DLL1: variants seen among roughly 807,000 people sequenced by gnomAD.
The protein encoded by DLL1 is delta-like protein 1.
Under a neutral mutation model 75.1 loss-of-function variants are expected in DLL1, and 9 were observed. The observed-to-expected ratio is 0.12, with a 90% CI of 0.07 to 0.21. The LOEUF (loss-of-function observed/expected upper bound fraction) is 0.21, where lower values mean the gene tolerates loss of function less well. Among genes scored for constraint, DLL1 ranks in the 10% least tolerant of loss-of-function variants. DLL1 has a pLI of 1.00. For missense variants in DLL1, 837 were observed against 1,007.6 expected, an observed-to-expected ratio of 0.83 and a Z score of 2.29; for synonymous variants, 477 against 418.3, an observed-to-expected ratio of 1.14 and a Z score of -1.71.
intron 8 of DLL1, 103 bp downstream of exon 8, chr6:170,284,816 G>T: frequency 8.3e-7 from 1 of 1,202,608 alleles, no homozygotes; most frequent in African/African-American, 1.5e-5. Flanking sequence ...CTGGATAAAA[G>T]TGATTCATAA....
intron 5 of DLL1, 131 bp downstream of exon 5, chr6:170,286,107 C>A: frequency 9.0e-7 from 1 of 1,105,218 alleles, no homozygotes. Context: ...CATGAGAAAA[C>A]GGCCCCCTGT....
intron 3 of DLL1, 31 bp from the exon 4 acceptor site, chr6:170,288,527 T>C: frequency 6.2e-7 from 1 of 1,614,114 alleles, no homozygotes; most frequent in African/African-American, 1.3e-5. Context: ...TGGTTGGTTC[T>C]GAACGAGAAC....
intron 4 of DLL1, among the ~76,000 whole-genome samples, chr6:170,287,231 A>G (rs1239783122): frequency 6.6e-6 from 1 of 152,170 alleles, no homozygotes; most frequent in African/African-American, 2.4e-5. Flanking sequence ...ACATCAAGGC[A>G]CTCAGTGAAT....
At position 170,283,173 on chromosome 6, in the gene DLL1, G is replaced by T; in HGVS notation, c.2048+58C>A. ...CATTTGGGAAGAGAAACGGAGCAGT[G>T]GTTCCAGGAAGACACCCCCCAGGTA... On this transcript the variant is annotated intron_variant, in intron 9 of 10. Coordinates refer to ENST00000366756, the MANE Select transcript of DLL1 (RefSeq NM_005618.4). The T allele has an allele frequency of 1.9e-6, 3 of 1,613,418 alleles. No homozygotes were observed. The South Asian group carries it at 3.3e-5, about 18-fold the overall frequency.
At chr6:170,287,616 G>A (rs929644073) in intron 4 of DLL1, among the ~76,000 whole-genome samples, 2 of 152,234 alleles carry the variant, frequency 1.3e-5, no homozygotes, top group Admixed American at 1.3e-4. Context: ...TGCTTCTCCA[G>A]ACAAGGTGCT....
In DLL1 at chr6:170,288,168, G is replaced by A. The variant is rs1310495556; in HGVS notation, c.670+71C>T. ...ACAGTCCCAAGCCCCCCGTGGCTCA[G>A]GAAGCCCCGTCCCTGCGCGCGGTCC... is the stretch of plus-strand genomic sequence containing the variant. On this transcript the variant is annotated intron_variant, in intron 4 of 10. Transcript: ENST00000366756. 12 of 1,609,458 alleles carry A rather than the reference G, an allele frequency of 7.5e-6. No homozygotes were observed. In the East Asian group the frequency reaches 1.1e-4, roughly 15 times the overall value.
In DLL1 at chr6:170,283,397, C is replaced by T. The variant is rs780986791; in HGVS notation, c.1882G>A (p.Asp628Asn). ...TAGCGGGCCTTGAAGCCATTCTTGT[C>T]GGCGCTGTGGTCCCCGTGGAAGTCC... ...KADFHGDHSA[D>N]KNGFKARYPA... The change falls in exon 9 of 11, where the codon GAC (aspartate) becomes AAC (asparagine). Residue 628 changes from aspartate to asparagine, a missense_variant. Asp to Asn is a conservative substitution (Grantham distance 23). This residue lies in a region of DLL1 where 533 missense variants were observed against 545.7 expected (regional missense o/e 0.98). Coordinates refer to ENST00000366756, the MANE Select transcript of DLL1 (RefSeq NM_005618.4). The T allele has an allele frequency of 6.8e-6, 11 of 1,610,318 alleles. No homozygotes were observed. In the East Asian group the frequency reaches 8.9e-5, roughly 13 times the overall value.
In DLL1 at chr6:170,289,553, A is replaced by C; in HGVS notation, c.310T>G (p.Phe104Val). 6.5e-7 allele frequency: 1 copy of C among 1,535,092 alleles called. No homozygotes were observed. The change falls in exon 2 of 11, where the codon TTC (phenylalanine) becomes GTC (valine). Residue 104 changes from phenylalanine to valine, a missense_variant. Transcript: ENST00000366756. The part of the protein sequence containing the change: ...LPDGGGADSA[F>V]SNPIRFPFGF... Reference sequence around the variant, plus strand: ...AAGGGGAAGCGGATGGGGTTGCTGAACGCGGAGTCGGCGCCCCCGCCGTCG... The same window carrying C: ...AAGGGGAAGCGGATGGGGTTGCTGACCGCGGAGTCGGCGCCCCCGCCGTCG...
Position 170,290,901 on chromosome 6 carries a change from G to A in DLL1, c.-762C>T. On this transcript the variant is annotated 5_prime_UTR_variant, in exon 1 of 11. Coordinates refer to ENST00000366756, the MANE Select transcript of DLL1 (RefSeq NM_005618.4). The surrounding 1 kb of genome is among the most constrained non-coding windows in gnomAD (Gnocchi z 4.7). The stretch of plus-strand genomic sequence containing the variant: ...CTGCGCTCTGCCCTCGGCCGGGTCG[G>A]GTCTCCGCGGGTGCGCGCAGAGGAT... The A allele has an allele frequency of 1.4e-6, 1 of 694,126 alleles. No individual in the cohort carries two copies. Among genetic ancestry groups the A allele is most frequent in the South Asian group, 1.5e-5 (1 of 67,048 alleles). 43.0% of individuals were successfully genotyped at this position (694,126 alleles called of 1,614,324 possible).
chr6:170,285,084 T>C lies in DLL1; in HGVS notation c.1084A>G (p.Ile362Val), dbSNP rs1447145814. 1 of 1,614,046 alleles carries C rather than the reference T, an allele frequency of 6.2e-7. No individual in the cohort carries two copies. Among genetic ancestry groups the C allele is most frequent in the South Asian group, 1.1e-5 (1 of 91,074 alleles). ...CAGGTCATGGCACTCAATTCACAGA[T>C]TTTGCCGTAGAAGCCGGGTGGGCAG... is the stretch of plus-strand genomic sequence containing the variant. The part of the protein sequence containing the change: ...CTCPPGFYGK[I>V]CELSAMTCAD... The change falls in exon 8 of 11, where the codon ATC becomes GTC. Residue 362 changes from isoleucine to valine, a missense_variant. Around this residue, in one of 2 missense-constraint regions of DLL1, gnomAD observed 533 missense variants for 545.7 expected, o/e 0.98. Transcript: ENST00000366756.
At position 170,282,991 on chromosome 6, in the gene DLL1, A is replaced by G. The variant is rs969375542; in HGVS notation, c.2163T>C (p.Thr721=). ...AGCGGCTGCTGCCTGCACTGACCTC[A>G]GTTGCTATGACGCACTCATCCTTCT... ...SEEKDECVIA[T]EV Residue 721 remains threonine (T), a synonymous_variant, in exon 10 of 11, where the codon ACT becomes ACC. Coordinates refer to ENST00000366756, the MANE Select transcript of DLL1 (RefSeq NM_005618.4). 17 of 1,614,032 alleles carry G rather than the reference A, an allele frequency of 1.1e-5. No homozygotes were observed. Among genetic ancestry groups the G allele is most frequent in the Non-Finnish European group, 1.4e-5 (16 of 1,180,024 alleles).
chr6:170,289,270 G>T, intron 2 of DLL1: 1 of 663,712 alleles, frequency 1.5e-6, no homozygotes, highest in Non-Finnish European at 2.7e-6. Flanking sequence ...TCTCCCGGGC[G>T]CGCTCGGCCT....
At chr6:170,289,136 T>C (rs1165193279) in intron 2 of DLL1, 9 of 590,366 alleles carry the variant, frequency 1.5e-5, no homozygotes, top group Non-Finnish European at 2.4e-5. Flanking sequence ...ACGCTCCGGG[T>C]GGTAGCGGTC....
At position 170,283,534 on chromosome 6, in the gene DLL1, G is replaced by A; in HGVS notation, c.1745C>T (p.Pro582Leu). ...RLQKHRPPAD[P>L]CRGETETMNN... ...CATGGTCTCCGTCTCCCCCCGGCAGGGGTCGGCTGGGGGCCGGTGCTTCTG... is the reference window on the plus strand; with the variant it reads ...CATGGTCTCCGTCTCCCCCCGGCAGAGGTCGGCTGGGGGCCGGTGCTTCTG... Residue 582 changes from proline (P) to leucine (L), a missense_variant, in exon 9 of 11, where the codon CCC becomes CTC. Pro to Leu is a moderately conservative substitution (Grantham distance 98). Coordinates refer to ENST00000366756, the MANE Select transcript of DLL1 (RefSeq NM_005618.4). The A allele has an allele frequency of 1.2e-6, 2 of 1,613,748 alleles. No homozygotes were observed. Among genetic ancestry groups the A allele is most frequent in the Non-Finnish European group, 1.7e-6 (2 of 1,180,022 alleles).
chr6:170,289,873 G>A (rs991963228), intron 1 of DLL1, 65 bp from the exon 2 acceptor site: 30 of 1,493,590 alleles, frequency 2.0e-5, no homozygotes, highest in Non-Finnish European at 2.6e-5. Context: ...CGTGAGGCCT[G>A]GGTGGGGGGT....
chr6:170,289,563 G>A lies in DLL1; in HGVS notation c.300C>T (p.Ala100=). The change falls in exon 2 of 11, where the codon GCC becomes GCT. Residue 100 remains alanine (A), a synonymous_variant. Coordinates refer to ENST00000366756, the MANE Select transcript of DLL1 (RefSeq NM_005618.4). ...DSFSLPDGGG[A]DSAFSNPIRF... The stretch of plus-strand genomic sequence containing the variant: ...GGATGGGGTTGCTGAACGCGGAGTC[G>A]GCGCCCCCGCCGTCGGGCAGACTGA... 1.3e-6 allele frequency: 2 copies of A among 1,535,228 alleles called. No individual in the cohort carries two copies. The highest frequency in any genetic ancestry group is 1.7e-6 in the Non-Finnish European group (2 of 1,146,454).
In DLL1 at chr6:170,286,856, C is replaced by T. The variant is rs955116037; in HGVS notation, c.671-558G>A. 5.9e-5 allele frequency among the ~76,000 whole-genome samples: 9 copies of T among 152,260 alleles called. No homozygotes were observed. The East Asian group carries it at 1.2e-3, about 20-fold the overall frequency. ...ACGCACCCCTTCCGCCAATGGGAGCCGGCGGGTGTCCCTGCGCCTATCCCC... is the reference window on the plus strand; with the variant it reads ...ACGCACCCCTTCCGCCAATGGGAGCTGGCGGGTGTCCCTGCGCCTATCCCC... On this transcript the variant is annotated intron_variant, in intron 4 of 10. Transcript: ENST00000366756.
rs1783853146 is a variant in DLL1, at chr6:170,290,974, C to T, written c.-835G>A. ...GCCCTTATATTCAGCCGGCCGCCCG[C>T]ATGGCTAATGAGATGCAAATCAGCA... On this transcript the variant is annotated 5_prime_UTR_variant, in exon 1 of 11. The change abolishes an upstream ATG in the 5' untranslated region. Transcript: ENST00000366756. The surrounding 1 kb of genome is among the most constrained non-coding windows in gnomAD (Gnocchi z 4.7). 4 of 701,550 alleles carry T rather than the reference C, an allele frequency of 5.7e-6. No homozygotes were observed. Among genetic ancestry groups the T allele is most frequent in the Non-Finnish European group, 1.0e-5 (4 of 384,342 alleles). 43.5% of individuals were successfully genotyped at this position (701,550 alleles called of 1,614,324 possible). A position where few individuals can be genotyped will look rare whatever the true frequency, so the allele number is the denominator to read the frequency against.
Position 170,289,797 on chromosome 6 carries a change from A to C in DLL1, c.66T>G (p.Ser22=). 1 of 1,557,228 alleles carries C rather than the reference A, an allele frequency of 6.4e-7. No individual in the cohort carries two copies. The highest frequency in any genetic ancestry group is 8.7e-7 in the Non-Finnish European group (1 of 1,150,348). Residue 22 remains serine, a synonymous_variant, in exon 2 of 11, where the codon TCT becomes TCG. Coordinates refer to ENST00000366756, the MANE Select transcript of DLL1 (RefSeq NM_005618.4). ...LSALLCQVWS[S]GVFELKLQEF... is the part of the protein sequence containing the mutation. ...CCTGCAGCTTCAGTTCGAACACCCCAGAGCTCCAGACCTGCACGGGGGAGG... is the reference window on the plus strand; with the variant it reads ...CCTGCAGCTTCAGTTCGAACACCCCCGAGCTCCAGACCTGCACGGGGGAGG...
Sources: allele counts gnomAD v4.1 joint callset (sites outside exome capture counted in the v4.1 genomes callset), GRCh38; gene constraint gnomAD v4.1.1; regional missense constraint gnomAD v4.1.1; non-coding constraint Gnocchi (gnomAD v3.1); transcripts MANE v1.5; gene names NCBI Gene and HGNC (gene_info 2026-07-23, HGNC 2026-07-21).